The following ABCA4 variants were observed in gnomAD, a reference collection of about 807,000 sequenced individuals.
The protein encoded by ABCA4 is retinal-specific phospholipid-transporting ATPase ABCA4.
In ABCA4, 196 loss-of-function variants were observed where a neutral mutation model predicts 263.7. The observed-to-expected ratio is 0.74, with a 90% CI of 0.66 to 0.84. ABCA4 has a LOEUF of 0.84. Ranked by LOEUF, ABCA4 falls within the 40% of genes least tolerant of loss-of-function variation. ABCA4 has a pLI of 0.00. For synonymous variants in ABCA4, 1,133 were observed against 1,094.2 expected, an observed-to-expected ratio of 1.04 and a Z score of -0.70; for missense variants, 2,792 against 2,855.1, an observed-to-expected ratio of 0.98 and a Z score of 0.50.
intron 45 of ABCA4, 151 bp downstream of exon 45, chr1:94,001,707 C>A: frequency 8.7e-7 from 1 of 1,153,800 alleles, no homozygotes; most frequent in Non-Finnish European, 1.3e-6. Context: ...AAACACTGGG[C>A]TGATCGCTCA....
chr1:94,025,698 A>C (rs1660022126), intron 30 of ABCA4: 1 of 161,768 alleles, frequency 6.2e-6, no homozygotes, highest in South Asian at 1.7e-4. Flanking sequence ...TTCCTCGGAG[A>C]AATGTTCCTG....
chr1:94,041,112 G>T, intron 23 of ABCA4, 97 bp downstream of exon 23: 1 of 1,250,580 alleles, frequency 8.0e-7, no homozygotes, highest in Non-Finnish European at 1.2e-6. Context: ...GATTCTGGTG[G>T]CGAGAGCCTG....
chr1:94,090,588 T>C (rs1661944062), intron 6 of ABCA4, among the ~76,000 whole-genome samples: 1 of 152,186 alleles, frequency 6.6e-6, no homozygotes, highest in South Asian at 2.1e-4. Flanking sequence ...CCAGCTTTCC[T>C]TCCCTAGGGA....
Position 94,056,780 on chromosome 1 carries a change from GGAAGAGGAT to G in ABCA4, c.2194_2202del (p.Ile732_Phe734del), listed in dbSNP as rs1189478818. The G allele has an allele frequency of 3.1e-6, 5 of 1,612,382 alleles. No individual in the cohort carries two copies. The highest frequency in any genetic ancestry group is 4.2e-6 in the Non-Finnish European group (5 of 1,179,200). ...GCAGTGGAGAAAGCCAACAAGAACA[GGAAGAGGAT>G]GAATGGGTCGCTGTAATGTAGGATT... is the stretch of plus-strand genomic sequence containing the variant. On this transcript the variant is annotated inframe_deletion, in exon 15 of 50. Transcript: ENST00000370225.
chr1:94,080,438 C>T, intron 8 of ABCA4, 40 bp downstream of exon 8: 1 of 1,613,534 alleles, frequency 6.2e-7, no homozygotes, highest in Non-Finnish European at 8.5e-7. Context: ...ACTTAACCAA[C>T]ATGAGAGGCC....
Position 94,055,297 on chromosome 1 carries a change from C to T in ABCA4, c.2401G>A (p.Ala801Thr), listed in dbSNP as rs374410829. The T allele has an allele frequency of 5.6e-6, 9 of 1,613,962 alleles. No individual in the cohort carries two copies. The highest frequency in any genetic ancestry group is 7.6e-6 in the Non-Finnish European group (9 of 1,180,018). Residue 801 changes from alanine to threonine, a missense_variant, in exon 16 of 50, where the codon GCA (alanine) becomes ACA (threonine). Physicochemically the swap from Ala to Thr is moderately conservative, Grantham distance 58. Coordinates refer to ENST00000370225, the MANE Select transcript of ABCA4 (RefSeq NM_000350.3). Reference sequence around the variant, plus strand: ...AGGTACTCAGTGCCAAATCCAAATGCCACCGGAGACAGTAAGCTCTGCAGT... The same window carrying T: ...AGGTACTCAGTGCCAAATCCAAATGTCACCGGAGACAGTAAGCTCTGCAGT... ...KKAVSLLSPV[A>T]FGFGTEYLVR...
rs62645944 is a variant in ABCA4 at position 94,098,794 on chromosome 1, C to A, written c.768G>T (p.Val256=). The change falls in exon 6 of 50, where the codon GTG becomes GTT. Residue 256 remains valine, a splice_region_variant and synonymous_variant. Transcript: ENST00000370225. ...ANVDFFKLFR[V]LPTLLDSRSQ... is the part of the protein sequence containing the mutation. ...GCGAGCAGCCAAACCCCTCCCTTACCACACGGAAGAGCTTGAAGAAGTCCA... is the reference window on the plus strand; with the variant it reads ...GCGAGCAGCCAAACCCCTCCCTTACAACACGGAAGAGCTTGAAGAAGTCCA... 7.9e-5 allele frequency: 128 copies of A among 1,614,042 alleles called. No homozygotes were observed. The highest frequency in any genetic ancestry group is 1.1e-4 in the Non-Finnish European group (124 of 1,180,038).
chr1:94,019,483 C>G, intron 36 of ABCA4, 99 bp downstream of exon 36: 1 of 1,379,232 alleles, frequency 7.3e-7, no homozygotes, highest in Non-Finnish European at 9.9e-7. Flanking sequence ...GCCCTGGCAC[C>G]GTGAGAACCC....
chr1:94,099,770 G>C (rs1223043041), intron 5 of ABCA4, among the ~76,000 whole-genome samples: 1 of 152,190 alleles, frequency 6.6e-6, no homozygotes, highest in Non-Finnish European at 1.5e-5. Flanking sequence ...TTGTTTATCT[G>C]AAGTTCGAAT....
chr1:94,055,189 G>A lies in ABCA4; in HGVS notation c.2509C>T (p.Leu837=). ...AGGAGCATCATCTGCATGGACAGCAGGAAGCTGAATTCGTCCCCTTCCGTG... is the reference window on the plus strand; with the variant it reads ...AGGAGCATCATCTGCATGGACAGCAAGAAGCTGAATTCGTCCCCTTCCGTG... ...SPTEGDEFSF[L]LSMQMMLLDA... The change falls in exon 16 of 50, where the codon CTG becomes TTG. Residue 837 remains leucine (L), a synonymous_variant. Coordinates refer to ENST00000370225, the MANE Select transcript of ABCA4 (RefSeq NM_000350.3). 6.2e-7 allele frequency: 1 copy of A among 1,614,210 alleles called. No individual in the cohort carries two copies.
At chr1:94,039,953 C>T in intron 24 of ABCA4, 90 bp downstream of exon 24, 5 of 1,098,880 alleles carry the variant, frequency 4.6e-6, no homozygotes, top group Admixed American at 2.0e-5. Flanking sequence ...TCTCTTTGCT[C>T]CCATTAAAAT....
At position 94,037,224 on chromosome 1, in the gene ABCA4, C is replaced by T. The variant is rs1389971564; in HGVS notation, c.3734G>A (p.Ser1245Asn). Residue 1245 changes from serine to asparagine, a missense_variant, in exon 25 of 50, where the codon AGC becomes AAC. Coordinates refer to ENST00000370225, the MANE Select transcript of ABCA4 (RefSeq NM_000350.3). ...NKNFKHRAYASLFRELEETLA... is the reference protein window; with the variant it reads ...NKNFKHRAYANLFRELEETLA... ...CGTCTCCTCCAGCTCTCTGAAAAGG[C>T]TGGCATATGCTCTGTGCTTGAAGTT... 1.2e-6 allele frequency: 2 copies of T among 1,614,242 alleles called. No individual in the cohort carries two copies. Among genetic ancestry groups the T allele is most frequent in the Non-Finnish European group, 1.7e-6 (2 of 1,180,050 alleles).
intron 16 of ABCA4, among the ~76,000 whole-genome samples, chr1:94,054,820 G>A (rs1660929680): frequency 6.6e-6 from 1 of 152,176 alleles, no homozygotes; most frequent in Non-Finnish European, 1.5e-5. Context: ...GATTCTGAAA[G>A]GATCTCCCTG....
At chr1:94,002,500 G>A (rs1352457628) in intron 44 of ABCA4, among the ~76,000 whole-genome samples, 1 of 152,222 alleles carries the variant, frequency 6.6e-6, no homozygotes, top group Non-Finnish European at 1.5e-5. Flanking sequence ...AGACTGCGGG[G>A]AGGTGGCAGT....
chr1:94,048,886 G>T lies in ABCA4; in HGVS notation c.2725C>A (p.His909Asn), dbSNP rs138247113. 1 of 1,613,982 alleles carries T rather than the reference G, an allele frequency of 6.2e-7. No individual in the cohort carries two copies. Among genetic ancestry groups the T allele is most frequent in the African/African-American group, 1.3e-5 (1 of 74,902 alleles). Residue 909 changes from histidine (H) to asparagine (N), a missense_variant, in exon 18 of 50, where the codon CAC becomes AAC. By Grantham distance (68) the His-to-Asn change is moderately conservative (BLOSUM62 1). Coordinates refer to ENST00000370225, the MANE Select transcript of ABCA4 (RefSeq NM_000350.3). ...PLTEETEDPE[H>N]PEGIHDSFFE... is the part of the protein sequence containing the mutation. ...GTTTTACCGTGTATTCCTTCTGGGT[G>T]CTCTGGATCCTCCGTTTCCTCTGTT...
At chr1:94,092,031 C>T (rs1661983380) in intron 6 of ABCA4, among the ~76,000 whole-genome samples, 1 of 152,230 alleles carries the variant, frequency 6.6e-6, no homozygotes, top group South Asian at 2.1e-4. Context: ...GTTCATCAAA[C>T]AGATGTCACC....
In ABCA4 at chr1:94,005,473, G is replaced by T. The variant is rs1469384146; in HGVS notation, c.6115C>A (p.Leu2039Ile). 1 of 1,614,178 alleles carries T rather than the reference G, an allele frequency of 6.2e-7. No individual in the cohort carries two copies. Among genetic ancestry groups the T allele is most frequent in the Middle Eastern group, 1.6e-4 (1 of 6,062 alleles). The change falls in exon 44 of 50, where the codon CTT becomes ATT. Residue 2039 changes from leucine to isoleucine, a missense_variant. Transcript: ENST00000370225. ...GREHLYLYAR[L>I]RGVPAEEIEK... ...ATTTCTTCTGCTGGTACACCTCGAA[G>T]CCGGGCATAAAGGTAAAGATGTTCT...
intron 6 of ABCA4, among the ~76,000 whole-genome samples, chr1:94,084,642 G>A (rs952574844): frequency 6.6e-6 from 1 of 152,180 alleles, no homozygotes; most frequent in Non-Finnish European, 1.5e-5. Context: ...GCCTTGTTAG[G>A]TATGGGAGTT....
chr1:94,038,138 G>A (rs1403481547), intron 24 of ABCA4, among the ~76,000 whole-genome samples: 1 of 152,032 alleles, frequency 6.6e-6, no homozygotes, highest in Non-Finnish European at 1.5e-5. Context: ...AATGCAGAGG[G>A]GGGGTTGAGA....
Sources: allele counts gnomAD v4.1 joint callset (sites outside exome capture counted in the v4.1 genomes callset), GRCh38; gene constraint gnomAD v4.1.1; transcripts MANE v1.5; gene names NCBI Gene and HGNC (gene_info 2026-07-23, HGNC 2026-07-21).